The following ZSCAN25 variants were observed in gnomAD, a reference collection of about 807,000 sequenced individuals.
ZSCAN25 encodes the protein zinc finger and SCAN domain containing 25, also known as zinc finger and SCAN domain-containing protein 25.
A neutral mutation model predicts 38.7 loss-of-function variants in ZSCAN25; 27 were observed. The observed-to-expected ratio is 0.70, with a 90% CI of 0.51 to 0.96. The LOEUF (loss-of-function observed/expected upper bound fraction) is 0.96, where lower values mean the gene tolerates loss of function less well. Ranked by LOEUF, ZSCAN25 falls within the 40% of genes least tolerant of loss-of-function variation. The pLI is 0.00. For synonymous variants in ZSCAN25, 273 were observed against 277.7 expected (o/e 0.98, Z 0.17); for missense variants, 637 against 705.9 (o/e 0.90, Z 1.11).
chr7:99,684,238 G>A, the ZSCAN25 span, among the ~76,000 whole-genome samples: 5 of 148,942 alleles, frequency 3.4e-5, no homozygotes, highest in East Asian at 3.9e-4. Context: ...GGTGCGTCTC[G>A]GCTCACTGCA....
downstream of ZSCAN25, among the ~76,000 whole-genome samples, chr7:99,632,986 G>GTTTTTTTTTTTTTTTTTTTT (rs201141594): frequency 1.6e-4 from 22 of 141,536 alleles, 1 homozygote; most frequent in South Asian, 9.7e-4. Context: ...TGCATTTTCT[G>GTTTTTTTTTTTTTTTTTTTT]TTGTTTTTTT....
chr7:99,656,715 C>CT, the ZSCAN25 span, among the ~76,000 whole-genome samples: 2 of 152,064 alleles, frequency 1.3e-5, no homozygotes, highest in African/African-American at 2.4e-5. Context: ...TGGTCCTGGA[C>CT]TTTTTTTGGT....
At chr7:99,693,735 C>T in the ZSCAN25 span, among the ~76,000 whole-genome samples, 1 of 152,224 alleles carries the variant, frequency 6.6e-6, no homozygotes, top group African/African-American at 2.4e-5. Context: ...GAGGGTATCT[C>T]CTGGTCTGCC....
At chr7:99,696,236 C>CTTTTTT in the ZSCAN25 span, among the ~76,000 whole-genome samples, 3 of 147,346 alleles carry the variant, frequency 2.0e-5, no homozygotes, top group Non-Finnish European at 1.5e-5. Context: ...GAAAGGGTGA[C>CTTTTTT]TTTTTTTTTT....
the ZSCAN25 span, among the ~76,000 whole-genome samples, chr7:99,736,426 C>T: frequency 6.6e-6 from 1 of 152,144 alleles, no homozygotes; most frequent in Non-Finnish European, 1.5e-5. Context: ...AGAGCAGGTG[C>T]CAGGAGCTGG....
chr7:99,638,694 G>A, the ZSCAN25 span: 50 of 1,476,044 alleles, frequency 3.4e-5, 1 homozygote, highest in South Asian at 4.9e-4. Context: ...TTGTCTTGCC[G>A]GCCGCATCCA....
the ZSCAN25 span, chr7:99,650,044 T>G: frequency 3.1e-6 from 5 of 1,611,920 alleles, no homozygotes. Context: ...AAAAAAATTC[T>G]TAATAAAACA....
chr7:99,643,175 A>G, the ZSCAN25 span, among the ~76,000 whole-genome samples: 1 of 152,178 alleles, frequency 6.6e-6, no homozygotes, highest in African/African-American at 2.4e-5. Flanking sequence ...AGAGTGACTA[A>G]GCTTCTGAAC....
At chr7:99,712,661 TAGAC>T in the ZSCAN25 span, among the ~76,000 whole-genome samples, 43 of 152,118 alleles carry the variant, frequency 2.8e-4, no homozygotes, top group African/African-American at 7.5e-4. Context: ...GATAGATAGA[TAGAC>T]AGACAGACAG....
chr7:99,621,214 T>C, intron 4 of ZSCAN25, 159 bp from the exon 5 acceptor site: 1 of 541,448 alleles, frequency 1.8e-6, no homozygotes, highest in Non-Finnish European at 2.8e-6. Flanking sequence ...TTTCACTTCC[T>C]CACTAATGTC....
At chr7:99,652,287 AT>A in the ZSCAN25 span, 1 of 223,478 alleles carries the variant, frequency 4.5e-6, no homozygotes, top group Non-Finnish European at 8.8e-6. Context: ...TACCATTCTA[AT>A]TTTTAAAAAT....
the ZSCAN25 span, among the ~76,000 whole-genome samples, chr7:99,715,098 A>G: frequency 6.6e-6 from 1 of 152,248 alleles, no homozygotes; most frequent in Non-Finnish European, 1.5e-5. Flanking sequence ...GCTAAAATCA[A>G]TAAGGTAACG....
chr7:99,722,435 A>G, the ZSCAN25 span: 1 of 1,524,500 alleles, frequency 6.6e-7, no homozygotes, highest in South Asian at 1.2e-5. Context: ...AGTCAAATCC[A>G]ATGAAATTAG....
the ZSCAN25 span, chr7:99,735,207 G>A: frequency 1.4e-6 from 2 of 1,397,884 alleles, no homozygotes; most frequent in Non-Finnish European, 2.0e-6. Flanking sequence ...GATTCAGTGA[G>A]GCTGTTGGAT....
At chr7:99,670,083 G>T in the ZSCAN25 span, among the ~76,000 whole-genome samples, 2 of 152,166 alleles carry the variant, frequency 1.3e-5, no homozygotes, top group African/African-American at 4.8e-5. Context: ...TAAAAGTATG[G>T]ATGCTGACTC....
the ZSCAN25 span, among the ~76,000 whole-genome samples, chr7:99,733,154 T>G: frequency 6.6e-6 from 1 of 152,176 alleles, no homozygotes; most frequent in Non-Finnish European, 1.5e-5. Context: ...TGGCCTTGGG[T>G]TTTCCCACTC....
At chr7:99,703,035 G>T in the ZSCAN25 span, among the ~76,000 whole-genome samples, 2 of 151,916 alleles carry the variant, frequency 1.3e-5, no homozygotes, top group Middle Eastern at 3.4e-3. Flanking sequence ...TTTTATTTTT[G>T]CCAAATTGTT....
At chr7:99,666,847 C>G in the ZSCAN25 span, 14 of 1,579,048 alleles carry the variant, frequency 8.9e-6, no homozygotes, top group Admixed American at 9.1e-5. Flanking sequence ...TTAGGAAGCT[C>G]GAACTCAGTG....
Position 99,629,391 on chromosome 7 carries a change from G to C in ZSCAN25, c.1006G>C (p.Asp336His), listed in dbSNP as rs1336824226. 6.2e-7 allele frequency: 1 copy of C among 1,614,064 alleles called. No individual in the cohort carries two copies. The highest frequency in any genetic ancestry group is 8.5e-7 in the Non-Finnish European group (1 of 1,180,040). The part of the protein sequence containing the change: ...PPQHGAIPLP[D>H]EVKTHSSFWK... ...CCAGCACGGTGCCATCCCCCTGCCT[G>C]ACGAAGTCAAAACCCACAGCTCCTT... Residue 336 changes from aspartate to histidine, a missense_variant, in exon 8 of 8, where the codon GAC becomes CAC. Coordinates refer to ENST00000394152, the MANE Select transcript of ZSCAN25 (RefSeq NM_145115.3). The surrounding 1 kb of genome is among the most constrained non-coding windows in gnomAD (Gnocchi z 5.6).
Sources: allele counts gnomAD v4.1 joint callset (sites outside exome capture counted in the v4.1 genomes callset), GRCh38; gene constraint gnomAD v4.1.1; non-coding constraint Gnocchi (gnomAD v3.1); transcripts MANE v1.5; gene names NCBI Gene and HGNC (gene_info 2026-07-23, HGNC 2026-07-21).